Variants in SPAG16 observed in about 807,000 individuals in gnomAD.
The protein encoded by SPAG16 is sperm-associated antigen 16 protein.
A neutral mutation model predicts 80.4 loss-of-function variants in SPAG16; 86 were observed. The ratio of observed to expected loss-of-function variants is 1.07; its 90% confidence interval spans 0.90 to 1.28. SPAG16 has a LOEUF of 1.28. SPAG16 is among the 50% of genes most tolerant of loss of function. The probability of loss-of-function intolerance (pLI) is 0.00; values close to 1 mark genes in which losing one functional copy is unlikely to be tolerated. For synonymous variants in SPAG16, 294 were observed against 265.9 expected (o/e 1.11, Z -1.03); for missense variants, 870 against 765.3 (o/e 1.14, Z -1.61).
At chr2:213,393,426 A>G (rs1485935928) in intron 9 of SPAG16, among the ~76,000 whole-genome samples, 1 of 151,866 alleles carries the variant, frequency 6.6e-6, no homozygotes, top group Non-Finnish European at 1.5e-5. Context: ...TACAAAATAC[A>G]TATGTAGTCT....
chr2:214,231,390 G>A (rs552733688), intron 15 of SPAG16, among the ~76,000 whole-genome samples: 249 of 151,934 alleles, frequency 1.6e-3, no homozygotes, highest in African/African-American at 5.4e-3. Context: ...GTATTTATTC[G>A]ACTTCAGAGT....
At chr2:214,075,779 G>C (rs1215314774) in intron 13 of SPAG16, among the ~76,000 whole-genome samples, 1 of 152,072 alleles carries the variant, frequency 6.6e-6, no homozygotes, top group African/African-American at 2.4e-5. Context: ...CATTTTTGTA[G>C]CGCTATATGA....
intron 10 of SPAG16, among the ~76,000 whole-genome samples, chr2:213,823,867 T>C (rs1467496663): frequency 5.9e-5 from 9 of 152,204 alleles, no homozygotes; most frequent in Non-Finnish European, 1.5e-5. Flanking sequence ...GTAGGCTGCT[T>C]GTTCACTCTA....
chr2:213,683,996 C>A (rs1164052347), intron 10 of SPAG16, among the ~76,000 whole-genome samples: 1 of 152,144 alleles, frequency 6.6e-6, no homozygotes, highest in Admixed American at 6.5e-5. Context: ...GTTCTTTCTT[C>A]AATTTTGTGG....
chr2:213,906,137 C>T lies in SPAG16; in HGVS notation c.1215-23823C>T, dbSNP rs1413496954. 2.0e-5 allele frequency among the ~76,000 whole-genome samples: 3 copies of T among 151,772 alleles called. No individual in the cohort carries two copies. The East Asian group carries it at 5.8e-4, about 29-fold the overall frequency. ...TTTTAACCTTCCCCACTCTATGTCC[C>T]ACCCCCACCTCCCTGCCACATTCAC... On this transcript the variant is annotated intron_variant, in intron 11 of 15. Coordinates refer to ENST00000331683, the MANE Select transcript of SPAG16 (RefSeq NM_024532.5).
chr2:213,903,017 G>A (rs1184918543), intron 11 of SPAG16, among the ~76,000 whole-genome samples: 2 of 152,194 alleles, frequency 1.3e-5, no homozygotes, highest in Non-Finnish European at 2.9e-5. Flanking sequence ...GCTGATATAA[G>A]AGGTGGGTTC....
chr2:214,158,866 A>G (rs1053727976), intron 15 of SPAG16, among the ~76,000 whole-genome samples: 1 of 152,066 alleles, frequency 6.6e-6, no homozygotes, highest in Admixed American at 6.6e-5. Flanking sequence ...ACAGTTATAT[A>G]AAAACAATTT....
intron 3 of SPAG16, chr2:213,302,647 G>GTATA (rs34440269): frequency 2.0e-5 from 3 of 148,528 alleles, no homozygotes; most frequent in Admixed American, 6.7e-5. Context: ...GTGTGTGTGT[G>GTATA]TGTGTGTGTG....
intron 15 of SPAG16, among the ~76,000 whole-genome samples, chr2:214,388,472 A>G (rs967979147): frequency 3.9e-5 from 6 of 152,182 alleles, no homozygotes; most frequent in Non-Finnish European, 8.8e-5. Context: ...GAAAATAATT[A>G]AACCACTTTA....
At chr2:213,903,526 A>C (rs1050292323) in intron 11 of SPAG16, among the ~76,000 whole-genome samples, 1 of 152,102 alleles carries the variant, frequency 6.6e-6, no homozygotes, top group Non-Finnish European at 1.5e-5. Flanking sequence ...GAGTCCCTAG[A>C]CTGCAAACAG....
intron 10 of SPAG16, among the ~76,000 whole-genome samples, chr2:213,792,080 C>T: frequency 6.6e-6 from 1 of 152,128 alleles, no homozygotes; most frequent in East Asian, 1.9e-4. Context: ...GAGACAAATT[C>T]TCAGAAATGT....
At chr2:213,405,470 C>T (rs1182981767) in intron 9 of SPAG16, among the ~76,000 whole-genome samples, 2 of 152,188 alleles carry the variant, frequency 1.3e-5, no homozygotes, top group African/African-American at 4.8e-5. Flanking sequence ...TCATTCCTTT[C>T]TGTTGGGAAC....
At chr2:213,449,740 GCA>G (rs997257281) in intron 9 of SPAG16, among the ~76,000 whole-genome samples, 10 of 151,996 alleles carry the variant, frequency 6.6e-5, no homozygotes, top group Admixed American at 3.3e-4. Context: ...CCTTAGCAAT[GCA>G]CAGTTTACTC....
At chr2:213,504,828 A>T (rs2074901092) in intron 10 of SPAG16, among the ~76,000 whole-genome samples, 1 of 152,198 alleles carries the variant, frequency 6.6e-6, no homozygotes, top group Non-Finnish European at 1.5e-5. Flanking sequence ...CCCTGTGGAG[A>T]TGTGCAAAAT....
chr2:213,414,010 C>G (rs2069123597), intron 9 of SPAG16, among the ~76,000 whole-genome samples: 1 of 152,094 alleles, frequency 6.6e-6, no homozygotes, highest in Non-Finnish European at 1.5e-5. Context: ...TAACTTTGTA[C>G]CTGAAAATAT....
intron 13 of SPAG16, among the ~76,000 whole-genome samples, chr2:214,059,099 C>A (rs888856742): frequency 6.6e-6 from 1 of 150,794 alleles, no homozygotes; most frequent in African/African-American, 2.4e-5. Context: ...ATCTCTTGAA[C>A]CCAGGAGGCA....
At chr2:213,953,992 A>T (rs1035187592) in intron 12 of SPAG16, among the ~76,000 whole-genome samples, 1 of 152,120 alleles carries the variant, frequency 6.6e-6, no homozygotes, top group Non-Finnish European at 1.5e-5. Flanking sequence ...TAAATATAAT[A>T]CACATACCAC....
rs1345019605 is a variant in SPAG16, at chr2:213,862,579, A to G, written c.1165A>G (p.Thr389Ala). 6 of 1,613,958 alleles carry G rather than the reference A, an allele frequency of 3.7e-6. No individual in the cohort carries two copies. The highest frequency in any genetic ancestry group is 5.1e-6 in the Non-Finnish European group (6 of 1,179,988). ...LGLPKCNVLL[T>A]GFGHTDWLSD... ...CCTTCCAAAATGCAATGTGCTTCTCACGGGATTTGGCCACACTGACTGGCT... is the reference window on the plus strand; with the variant it reads ...CCTTCCAAAATGCAATGTGCTTCTCGCGGGATTTGGCCACACTGACTGGCT... The change falls in exon 11 of 16, where the codon ACG (threonine) becomes GCG (alanine). Residue 389 changes from threonine (T) to alanine (A), a missense_variant. Thr to Ala is a moderately conservative substitution (Grantham distance 58, BLOSUM62 0). Coordinates refer to ENST00000331683, the MANE Select transcript of SPAG16 (RefSeq NM_024532.5).
At chr2:213,509,447 A>C (rs931496585) in intron 10 of SPAG16, among the ~76,000 whole-genome samples, 18 of 152,228 alleles carry the variant, frequency 1.2e-4, no homozygotes, top group Admixed American at 1.1e-3. Context: ...GAAGGAAAAG[A>C]AATAAGCAGT....
Sources: allele counts gnomAD v4.1 joint callset (sites outside exome capture counted in the v4.1 genomes callset), GRCh38; gene constraint gnomAD v4.1.1; transcripts MANE v1.5; gene names NCBI Gene and HGNC (gene_info 2026-07-23, HGNC 2026-07-21).